The following EPHA6 variants were observed in gnomAD, a reference collection of about 807,000 sequenced individuals.
EPHA6 encodes EPH receptor A6, also known as ephrin type-A receptor 6.
Under a neutral mutation model 112.0 loss-of-function variants are expected in EPHA6, and 50 were observed. The observed-to-expected ratio is 0.45, with a 90% CI of 0.36 to 0.56. The LOEUF is 0.56. EPHA6 is among the 20% of genes least tolerant of loss of function. The probability of loss-of-function intolerance (pLI) is 0.00; values close to 1 mark genes in which losing one functional copy is unlikely to be tolerated. For synonymous variants in EPHA6, 529 were observed against 490.7 expected, an observed-to-expected ratio of 1.08 and a Z score of -1.03; for missense variants, 1,280 against 1,417.4, an observed-to-expected ratio of 0.90 and a Z score of 1.56.
At chr3:97,093,974 C>T (rs1231101069) in intron 3 of EPHA6, among the ~76,000 whole-genome samples, 2 of 152,010 alleles carry the variant, frequency 1.3e-5, no homozygotes, top group African/African-American at 2.4e-5. Context: ...GCTTCAGATA[C>T]AGCGTGCATA....
intron 2 of EPHA6, among the ~76,000 whole-genome samples, chr3:96,980,396 G>A (rs1344318446): frequency 1.3e-5 from 2 of 152,148 alleles, no homozygotes; most frequent in Non-Finnish European, 2.9e-5. Context: ...GGTCTGTTCT[G>A]TTCCATTGGT....
intron 11 of EPHA6, among the ~76,000 whole-genome samples, chr3:97,557,538 C>T (rs756268770): frequency 8.6e-5 from 13 of 151,748 alleles, no homozygotes; most frequent in Non-Finnish European, 1.8e-4. Context: ...TATATGTTCC[C>T]GATATATGTC....
intron 3 of EPHA6, among the ~76,000 whole-genome samples, chr3:97,096,275 C>CCACACACATACACACCCA (rs2047234860): frequency 6.8e-6 from 1 of 147,696 alleles, no homozygotes; most frequent in Non-Finnish European, 1.5e-5. Context: ...ACATACACAC[C>CCACACACATACACACCCA]CACACACACA....
chr3:97,565,458 G>C (rs1427047109), intron 11 of EPHA6, among the ~76,000 whole-genome samples: 1 of 152,048 alleles, frequency 6.6e-6, no homozygotes, highest in East Asian at 1.9e-4. Flanking sequence ...AGCACTAATG[G>C]TAACTGAATA....
Position 97,356,180 on chromosome 3 carries a change from C to G in EPHA6, c.1607-48970C>G, listed in dbSNP as rs115659657. On this transcript the variant is annotated intron_variant, in intron 5 of 17. Coordinates refer to ENST00000389672, the MANE Select transcript of EPHA6 (RefSeq NM_001080448.3). ...TGAACTGCATACAAGGGATCGAGGTCACAAGCTCCTTATGAGAATTTAAGC... is the reference window on the plus strand; with the variant it reads ...TGAACTGCATACAAGGGATCGAGGTGACAAGCTCCTTATGAGAATTTAAGC... Among the ~76,000 whole-genome samples the G allele has an allele frequency of 7.6e-3, 1,158 of 152,270 alleles. 15 individuals are homozygous for G. Among genetic ancestry groups the G allele is most frequent in the African/African-American group, 0.027 (1,108 of 41,550 alleles).
chr3:97,064,547 G>A (rs1462079831), intron 3 of EPHA6, among the ~76,000 whole-genome samples: 2 of 152,030 alleles, frequency 1.3e-5, no homozygotes, highest in Non-Finnish European at 2.9e-5. Context: ...TGAATATCTG[G>A]TCCAGTGCCT....
chr3:97,098,905 TA>T (rs1287274704), intron 3 of EPHA6, among the ~76,000 whole-genome samples: 1 of 151,934 alleles, frequency 6.6e-6, no homozygotes, highest in African/African-American at 2.4e-5. Flanking sequence ...AGTTCTATTA[TA>T]TTCTCATTAA....
chr3:96,816,526 A>G (rs1444366382), intron 1 of EPHA6, among the ~76,000 whole-genome samples: 1 of 152,152 alleles, frequency 6.6e-6, no homozygotes, highest in African/African-American at 2.4e-5. Context: ...TTATGACAAA[A>G]CAATTTTTAA....
Position 96,814,656 on chromosome 3 carries a change from C to G in EPHA6, c.33C>G (p.Ser11Arg), listed in dbSNP as rs771049797. Residue 11 changes from serine (S) to arginine (R), a missense_variant, in exon 1 of 18, where the codon AGC becomes AGG. Transcript: ENST00000389672. MQFPSPPAAR[S>R]SPAPQAASSS... The stretch of plus-strand genomic sequence containing the variant: ...TCCCCTCGCCTCCAGCCGCGAGGAG[C>G]TCCCCGGCGCCGCAGGCAGCGTCCT... 6.8e-7 allele frequency: 1 copy of G among 1,475,296 alleles called. No individual in the cohort carries two copies. The highest frequency in any genetic ancestry group is 9.0e-7 in the Non-Finnish European group (1 of 1,112,496). The allele number at this position is 1,475,296 out of a possible 1,614,324, so 91.4% of individuals were successfully genotyped here. A position where few individuals can be genotyped will look rare whatever the true frequency, so the allele number is the denominator to read the frequency against.
At chr3:97,254,438 T>C (rs2079242713) in intron 5 of EPHA6, among the ~76,000 whole-genome samples, 1 of 152,204 alleles carries the variant, frequency 6.6e-6, no homozygotes, top group African/African-American at 2.4e-5. Flanking sequence ...TCCGCCTGCC[T>C]TGGCCTCCCA....
At chr3:97,664,393 C>A (rs1161695638) in intron 14 of EPHA6, among the ~76,000 whole-genome samples, 2 of 152,100 alleles carry the variant, frequency 1.3e-5, no homozygotes, top group African/African-American at 4.8e-5. Flanking sequence ...TGGAAGCATT[C>A]CCTTTGAAAA....
At chr3:97,560,020 G>A (rs895530463) in intron 11 of EPHA6, among the ~76,000 whole-genome samples, 2 of 151,272 alleles carry the variant, frequency 1.3e-5, no homozygotes, top group South Asian at 2.1e-4. Context: ...ATAAGAACAG[G>A]TTGCCATTAA....
At chr3:96,901,475 G>T (rs1008600193) in intron 2 of EPHA6, among the ~76,000 whole-genome samples, 6 of 149,828 alleles carry the variant, frequency 4.0e-5, no homozygotes, top group South Asian at 2.1e-4. Context: ...TCTGGGAAAA[G>T]ATTTTTTTTT....
At chr3:97,096,737 T>G (rs1251175924) in intron 3 of EPHA6, among the ~76,000 whole-genome samples, 6 of 152,034 alleles carry the variant, frequency 3.9e-5, no homozygotes, top group Admixed American at 2.6e-4. Flanking sequence ...TAAGGAGTGG[T>G]TTTAATAATA....
chr3:97,028,691 T>G (rs1333028036), intron 3 of EPHA6, among the ~76,000 whole-genome samples: 1 of 152,042 alleles, frequency 6.6e-6, no homozygotes, highest in African/African-American at 2.4e-5. Flanking sequence ...TCATGTGCTG[T>G]TTATAGATGT....
chr3:97,049,498 C>T (rs2045617779), intron 3 of EPHA6, among the ~76,000 whole-genome samples: 1 of 152,140 alleles, frequency 6.6e-6, no homozygotes, highest in African/African-American at 2.4e-5. Context: ...GCAGATAGCG[C>T]AGATAGAGCT....
intron 2 of EPHA6, among the ~76,000 whole-genome samples, chr3:96,937,379 G>A (rs1451887483): frequency 6.6e-6 from 1 of 152,074 alleles, no homozygotes; most frequent in Non-Finnish European, 1.5e-5. Context: ...ATTTTTTCAT[G>A]TGTTTTTTGG....
chr3:97,046,094 A>G (rs1244104806), intron 3 of EPHA6, among the ~76,000 whole-genome samples: 3 of 152,140 alleles, frequency 2.0e-5, no homozygotes, highest in African/African-American at 7.2e-5. Context: ...TATACAGCTA[A>G]TAAGCTTAAC....
At chr3:97,213,469 G>T (rs1472878759) in intron 3 of EPHA6, among the ~76,000 whole-genome samples, 1 of 152,056 alleles carries the variant, frequency 6.6e-6, no homozygotes, top group Admixed American at 6.6e-5. Context: ...AAGAAAAAAC[G>T]GGTGGGGAAT....
Sources: allele counts gnomAD v4.1 joint callset (sites outside exome capture counted in the v4.1 genomes callset), GRCh38; gene constraint gnomAD v4.1.1; transcripts MANE v1.5; gene names NCBI Gene and HGNC (gene_info 2026-07-23, HGNC 2026-07-21).